Variants in TMOD1 observed in about 807,000 individuals in gnomAD.
TMOD1 encodes tropomodulin-1.
TMOD1 carries 17 observed loss-of-function variants against 40.6 expected under a neutral mutation model. That is an observed-to-expected ratio of 0.42 (90% CI 0.29 to 0.63). TMOD1 has a LOEUF of 0.63. Ranked by LOEUF, TMOD1 falls within the 20% of genes least tolerant of loss-of-function variation. The pLI is 0.22. For missense variants in TMOD1, 391 were observed against 447.6 expected (o/e 0.87, Z 1.14); for synonymous variants, 181 against 175.0 (o/e 1.03, Z -0.27).
intron 4 of TMOD1, among the ~76,000 whole-genome samples, chr9:97,554,583 A>C (rs1205986253): frequency 6.6e-6 from 1 of 152,098 alleles, no homozygotes; most frequent in Non-Finnish European, 1.5e-5. Flanking sequence ...GGAATGGGGC[A>C]AAGCTGGAAT....
At chr9:97,589,725 T>C (rs952159298) in intron 8 of TMOD1, among the ~76,000 whole-genome samples, 4 of 152,174 alleles carry the variant, frequency 2.6e-5, no homozygotes, top group African/African-American at 9.7e-5. Context: ...AATTATCCTG[T>C]CTAGACCCCC....
chr9:97,548,270 C>T (rs1458036785), intron 3 of TMOD1, among the ~76,000 whole-genome samples: 2 of 152,172 alleles, frequency 1.3e-5, no homozygotes. Context: ...GTAGCTGCTT[C>T]ATAAAATGAG....
At chr9:97,559,771 TTA>T (rs749071339) in intron 4 of TMOD1, among the ~76,000 whole-genome samples, 18,530 of 63,176 alleles carry the variant, frequency 0.29, 2,190 homozygotes, top group East Asian at 0.42. Context: ...CCTCAAAAAT[TTA>T]AAAAAAAAAA....
At chr9:97,524,042 T>TAAA in intron 1 of TMOD1, 99 bp from the exon 2 acceptor site, 1 of 851,724 alleles carries the variant, frequency 1.2e-6, no homozygotes, top group Non-Finnish European at 1.8e-6. Flanking sequence ...TGGCAATTCA[T>TAAA]AAAATGTACC....
intron 4 of TMOD1, among the ~76,000 whole-genome samples, chr9:97,556,108 G>A (rs555183732): frequency 1.3e-5 from 2 of 151,688 alleles, no homozygotes; most frequent in South Asian, 2.1e-4. Flanking sequence ...AGAGGAGGGG[G>A]TGTTCTGGAG....
chr9:97,572,877 A>G (rs902179239), intron 8 of TMOD1, among the ~76,000 whole-genome samples: 2 of 152,144 alleles, frequency 1.3e-5, no homozygotes, highest in African/African-American at 4.8e-5. Flanking sequence ...TAGTCTCTCT[A>G]TCTCCAAGCA....
intron 8 of TMOD1, 112 bp from the exon 9 acceptor site, chr9:97,591,179 A>G: frequency 5.9e-6 from 7 of 1,192,730 alleles, no homozygotes; most frequent in Admixed American, 2.8e-5. Flanking sequence ...AGAGGAGGCT[A>G]AAATCCCCTC....
chr9:97,571,349 T>C (rs1312233527), intron 8 of TMOD1, among the ~76,000 whole-genome samples: 1 of 152,230 alleles, frequency 6.6e-6, no homozygotes, highest in Non-Finnish European at 1.5e-5. Flanking sequence ...TTACCTTAGC[T>C]GAATACCCTG....
chr9:97,593,023 G>A lies in TMOD1; in HGVS notation c.1015+1588G>A, dbSNP rs562265986. ...ATGTCATAGCTAAACTGAATGGTTG[G>A]AGAAGGCCAGCAGCTGTGATCTGGC... On this transcript the variant is annotated intron_variant, in intron 9 of 9. Transcript: ENST00000259365. Among the ~76,000 whole-genome samples the A allele has an allele frequency of 4.1e-4, 63 of 152,310 alleles. No individual in the cohort carries two copies. The South Asian group carries it at 9.8e-3, about 24-fold the overall frequency.
At chr9:97,576,629 C>CT (rs11326860) in intron 8 of TMOD1, among the ~76,000 whole-genome samples, 152 of 144,612 alleles carry the variant, frequency 1.1e-3, no homozygotes, top group Admixed American at 1.6e-3. Context: ...ATGATGGTTA[C>CT]TTTTTTTTTT....
intron 1 of TMOD1, among the ~76,000 whole-genome samples, chr9:97,509,611 C>T (rs146547927): frequency 0.01 from 1,588 of 151,816 alleles, 27 homozygotes; most frequent in African/African-American, 0.036. Context: ...GTGGTCCTCC[C>T]CCAAACCCCA....
intron 1 of TMOD1, among the ~76,000 whole-genome samples, chr9:97,503,631 T>A (rs1390047955): frequency 2.0e-5 from 3 of 152,184 alleles, no homozygotes; most frequent in Non-Finnish European, 2.9e-5. Flanking sequence ...CAGTGTCCTC[T>A]AAAAATAGCC....
At chr9:97,568,036 G>A (rs565434461) in intron 7 of TMOD1, among the ~76,000 whole-genome samples, 1 of 152,304 alleles carries the variant, frequency 6.6e-6, no homozygotes, top group African/African-American at 2.4e-5. Context: ...GAGTTCCTCT[G>A]AAACGTGCTA....
At chr9:97,582,298 T>A (rs1441793379) in intron 8 of TMOD1, among the ~76,000 whole-genome samples, 2 of 144,392 alleles carry the variant, frequency 1.4e-5, no homozygotes, top group Non-Finnish European at 3.0e-5. Flanking sequence ...TTGTCAAAGA[T>A]CAGATAGTTG....
intron 2 of TMOD1, among the ~76,000 whole-genome samples, chr9:97,528,001 G>T (rs1220420359): frequency 6.6e-6 from 1 of 152,196 alleles, no homozygotes; most frequent in African/African-American, 2.4e-5. Context: ...GATGGAGGAG[G>T]CCTCGCAGAA....
chr9:97,567,057 G>A (rs1232819442), intron 7 of TMOD1, among the ~76,000 whole-genome samples: 1 of 152,174 alleles, frequency 6.6e-6, no homozygotes, highest in Non-Finnish European at 1.5e-5. Flanking sequence ...AGTAGCAATC[G>A]ATTTTTTTCT....
At chr9:97,574,553 A>T (rs527553420) in intron 8 of TMOD1, among the ~76,000 whole-genome samples, 1 of 152,344 alleles carries the variant, frequency 6.6e-6, no homozygotes, top group Non-Finnish European at 1.5e-5. Flanking sequence ...AGGGCTGAGG[A>T]GTGCGGGCGC....
chr9:97,513,143 G>A lies in TMOD1; in HGVS notation c.-48-10998G>A, dbSNP rs1829733503. 1 of 152,216 alleles carries A rather than the reference G, an allele frequency of 6.6e-6. No individual in the cohort carries two copies. Among genetic ancestry groups the A allele is most frequent in the Non-Finnish European group, 1.5e-5 (1 of 68,054 alleles). 9.4% of individuals were successfully genotyped at this position (152,216 alleles called of 1,614,324 possible). A position where few individuals can be genotyped will look rare whatever the true frequency, so the allele number is the denominator to read the frequency against. On this transcript the variant is annotated intron_variant, in intron 1 of 9. Transcript: ENST00000259365. This position sits in a 1 kb window ranked among gnomAD's most constrained non-coding sequence, Gnocchi z 4.1. Reference sequence around the variant, plus strand: ...GATTTATGCTGGGTCTACAGTCACCGGAGAGCCCCACATCTTTCTCATGGC... The same window carrying A: ...GATTTATGCTGGGTCTACAGTCACCAGAGAGCCCCACATCTTTCTCATGGC...
chr9:97,546,929 C>CAAA (rs71308254), intron 3 of TMOD1, among the ~76,000 whole-genome samples: 10,753 of 55,006 alleles, frequency 0.2, 978 homozygotes, highest in Non-Finnish European at 0.26. Context: ...ACTCCGTCTC[C>CAAA]AAAAAAAAAA....
Sources: gnomAD v4.1 joint callset for allele counts (sites outside exome capture counted in the v4.1 genomes callset) on GRCh38, gnomAD v4.1.1 for gene constraint, Gnocchi (gnomAD v3.1) non-coding constraint, MANE v1.5 for transcripts, NCBI Gene and HGNC (gene_info 2026-07-23, HGNC 2026-07-21) for gene names.